KIRREL3: variants seen among roughly 807,000 people sequenced by gnomAD.
The protein encoded by KIRREL3 is kirre like nephrin family adhesion molecule 3.
A neutral mutation model predicts 89.7 loss-of-function variants in KIRREL3; 36 were observed. That is an observed-to-expected ratio of 0.40 (90% CI 0.31 to 0.53). The LOEUF (loss-of-function observed/expected upper bound fraction) is 0.53, where lower values mean the gene tolerates loss of function less well. Among genes scored for constraint, KIRREL3 ranks in the 20% least tolerant of loss-of-function variants. The pLI, the probability that KIRREL3 is intolerant of heterozygous loss-of-function variation, is 0.49. For synonymous variants in KIRREL3, 445 were observed against 441.4 expected (o/e 1.01, Z -0.10); for missense variants, 864 against 1,056.6 (o/e 0.82, Z 2.53).
intron 1 of KIRREL3, among the ~76,000 whole-genome samples, chr11:126,702,554 G>A (rs138713646): frequency 6.6e-5 from 10 of 152,300 alleles, no homozygotes; most frequent in African/African-American, 2.2e-4. Context: ...TCCTCTCACC[G>A]TGGAGCCCTA....
chr11:126,968,726 C>G (rs1362358375), intron 1 of KIRREL3, among the ~76,000 whole-genome samples: 2 of 152,170 alleles, frequency 1.3e-5, no homozygotes, highest in East Asian at 3.9e-4. Flanking sequence ...AACACGGCAG[C>G]CCCTTTTGGT....
rs925955581 is a variant in KIRREL3, at chr11:126,898,042, C to A, written c.55+102413G>T. On this transcript the variant is annotated intron_variant, in intron 1 of 16. Transcript: ENST00000525144. The surrounding 1 kb of genome is among the most constrained non-coding windows in gnomAD (Gnocchi z 4.9). ...TTAGCAGTCATTGTGTGGCCTGGAGCTCACATGGGTTGGGAAGTTTGGACA... is the reference window on the plus strand; with the variant it reads ...TTAGCAGTCATTGTGTGGCCTGGAGATCACATGGGTTGGGAAGTTTGGACA... Among the ~76,000 whole-genome samples the A allele has an allele frequency of 6.6e-6, 1 of 152,158 alleles. No individual in the cohort carries two copies. Among genetic ancestry groups the A allele is most frequent in the African/African-American group, 2.4e-5 (1 of 41,440 alleles).
rs1199556263 is a variant in KIRREL3 at position 126,723,484 on chromosome 11, A to G, written c.56-160572T>C. Among the ~76,000 whole-genome samples, 2 of 152,232 alleles carry G rather than the reference A, an allele frequency of 1.3e-5. No homozygotes were observed. The highest frequency in any genetic ancestry group is 2.9e-5 in the Non-Finnish European group (2 of 68,040). On this transcript the variant is annotated intron_variant, in intron 1 of 16. Coordinates refer to ENST00000525144, the MANE Select transcript of KIRREL3 (RefSeq NM_032531.4). This position sits in a 1 kb window ranked among gnomAD's most constrained non-coding sequence, Gnocchi z 4.0. ...CCTCCAGACACACATGCTCTGTGGC[A>G]TCATTAAGCAGCTGGTGCCAACATT...
At chr11:126,847,345 C>A (rs1944182984) in intron 1 of KIRREL3, among the ~76,000 whole-genome samples, 1 of 152,112 alleles carries the variant, frequency 6.6e-6, no homozygotes, top group South Asian at 2.1e-4. Context: ...TTGTATGCCA[C>A]AGAGGTAACC....
rs1000705876 is a variant in KIRREL3, at chr11:126,948,140, T to C, written c.55+52315A>G. Among the ~76,000 whole-genome samples, 7 of 152,340 alleles carry C rather than the reference T, an allele frequency of 4.6e-5. No homozygotes were observed. The highest frequency in any genetic ancestry group is 1.7e-4 in the African/African-American group (7 of 41,588). ...TGATTTTCTATCCATTGCCTAGTGG[T>C]TAACCCTCAATAAATGCTTTTTGTA... On this transcript the variant is annotated intron_variant, in intron 1 of 16. Coordinates refer to ENST00000525144, the MANE Select transcript of KIRREL3 (RefSeq NM_032531.4). The surrounding 1 kb of genome is among the most constrained non-coding windows in gnomAD (Gnocchi z 4.5).
rs1265007048 is a variant in KIRREL3, at chr11:126,796,238, T to A, written c.55+204217A>T. On this transcript the variant is annotated intron_variant, in intron 1 of 16. Transcript: ENST00000525144. The surrounding 1 kb of genome is among the most constrained non-coding windows in gnomAD (Gnocchi z 5.1). ...AACATAAAATCAGACTGATTCTATG[T>A]TAAAATGGTGAACAAAAAAACCAAG... Among the ~76,000 whole-genome samples, 1 of 151,022 alleles carries A rather than the reference T, an allele frequency of 6.6e-6. No individual in the cohort carries two copies. Among genetic ancestry groups the A allele is most frequent in the Non-Finnish European group, 1.5e-5 (1 of 67,830 alleles).
intron 1 of KIRREL3, among the ~76,000 whole-genome samples, chr11:126,823,758 A>G (rs765940662): frequency 1.7e-4 from 26 of 152,240 alleles, no homozygotes; most frequent in Non-Finnish European, 3.2e-4. Flanking sequence ...GGGAAAAGAA[A>G]CAACGACCTA....
chr11:126,756,606 G>C lies in KIRREL3; in HGVS notation c.56-193694C>G, dbSNP rs572193932. Among the ~76,000 whole-genome samples the C allele has an allele frequency of 2.6e-5, 4 of 152,366 alleles. No individual in the cohort carries two copies. The South Asian group carries it at 8.3e-4, about 32-fold the overall frequency. On this transcript the variant is annotated intron_variant, in intron 1 of 16. Coordinates refer to ENST00000525144, the MANE Select transcript of KIRREL3 (RefSeq NM_032531.4). ...TCCCTGGAAGAGAGTGGAGCCATCT[G>C]CTCATCTTGGCTTCAGTAGTTACAT...
At position 126,715,664 on chromosome 11, in the gene KIRREL3, G is replaced by A. The variant is rs1214844201; in HGVS notation, c.56-152752C>T. Among the ~76,000 whole-genome samples the A allele has an allele frequency of 2.0e-5, 3 of 152,158 alleles. No individual in the cohort carries two copies. Among genetic ancestry groups the A allele is most frequent in the Non-Finnish European group, 2.9e-5 (2 of 68,016 alleles). On this transcript the variant is annotated intron_variant, in intron 1 of 16. Transcript: ENST00000525144. This position sits in a 1 kb window ranked among gnomAD's most constrained non-coding sequence, Gnocchi z 4.4. The stretch of plus-strand genomic sequence containing the variant: ...ACTACAGCACGTGAAACATACTAAA[G>A]AGAAGAGCAAAAATGAGATTAGAAA...
intron 1 of KIRREL3, among the ~76,000 whole-genome samples, chr11:126,792,911 T>C (rs1381245096): frequency 6.6e-6 from 1 of 152,092 alleles, no homozygotes; most frequent in Non-Finnish European, 1.5e-5. Context: ...AGTGGTTACT[T>C]GTGGGGATGG....
chr11:126,435,968 C>T (rs886463446), intron 12 of KIRREL3, among the ~76,000 whole-genome samples: 2 of 152,212 alleles, frequency 1.3e-5, no homozygotes, highest in African/African-American at 4.8e-5. Flanking sequence ...GATCAACTGC[C>T]CCTCTCAGAA....
At position 126,570,689 on chromosome 11, in the gene KIRREL3, A is replaced by G. The variant is rs1940857884; in HGVS notation, c.56-7777T>C. ...AGCCATGCCATTATTTGGCTGGCAT[A>G]GCTCTATCCCCCATGCGGCCAAGGC... On this transcript the variant is annotated intron_variant, in intron 1 of 16. Transcript: ENST00000525144. This position sits in a 1 kb window ranked among gnomAD's most constrained non-coding sequence, Gnocchi z 6.1. Among the ~76,000 whole-genome samples, 1 of 152,184 alleles carries G rather than the reference A, an allele frequency of 6.6e-6. No homozygotes were observed. Among genetic ancestry groups the G allele is most frequent in the Admixed American group, 6.5e-5 (1 of 15,280 alleles).
At position 126,614,058 on chromosome 11, in the gene KIRREL3, T is replaced by C. The variant is rs1310499632; in HGVS notation, c.56-51146A>G. ...CTGTGTAATTCTTTTGGCTGAAAAC[T>C]GAATAGAGTTCTCCCTTTGTGGGTG... On this transcript the variant is annotated intron_variant, in intron 1 of 16. Transcript: ENST00000525144. This position sits in a 1 kb window ranked among gnomAD's most constrained non-coding sequence, Gnocchi z 4.6. 2.0e-5 allele frequency among the ~76,000 whole-genome samples: 3 copies of C among 152,130 alleles called. No homozygotes were observed. Among genetic ancestry groups the C allele is most frequent in the Non-Finnish European group, 2.9e-5 (2 of 68,030 alleles).
At chr11:126,758,763 T>C (rs1949582589) in intron 1 of KIRREL3, among the ~76,000 whole-genome samples, 1 of 152,208 alleles carries the variant, frequency 6.6e-6, no homozygotes, top group African/African-American at 2.4e-5. Context: ...AAAATAACTA[T>C]CGCATTTGCA....
chr11:126,854,696 A>G (rs1373520651), intron 1 of KIRREL3, among the ~76,000 whole-genome samples: 1 of 152,226 alleles, frequency 6.6e-6, no homozygotes, highest in African/African-American at 2.4e-5. Flanking sequence ...ATGTACGAAC[A>G]TCTGTTTCAA....
chr11:126,985,268 T>C lies in KIRREL3; in HGVS notation c.55+15187A>G, dbSNP rs565942614. Among the ~76,000 whole-genome samples the C allele has an allele frequency of 6.6e-6, 1 of 152,250 alleles. No homozygotes were observed. Among genetic ancestry groups the C allele is most frequent in the African/African-American group, 2.4e-5 (1 of 41,536 alleles). On this transcript the variant is annotated intron_variant, in intron 1 of 16. Transcript: ENST00000525144. This position sits in a 1 kb window ranked among gnomAD's most constrained non-coding sequence, Gnocchi z 5.3. ...CAGAATCCCTGACACATTATGCTCT[T>C]TTCCCATGTAAGAAATACTGATTGT...
In KIRREL3 at chr11:126,698,937, C is replaced by T. The variant is rs552447184; in HGVS notation, c.56-136025G>A. On this transcript the variant is annotated intron_variant, in intron 1 of 16. Transcript: ENST00000525144. The stretch of plus-strand genomic sequence containing the variant: ...TTGCTTGCTCCACGGGCAGGAGCTG[C>T]GATCTTAAGGGGCTGGGAGCTGCCT... Among the ~76,000 whole-genome samples the T allele has an allele frequency of 5.3e-5, 8 of 152,276 alleles. 1 individual carries two copies. In the South Asian group the frequency reaches 1.0e-3, roughly 20 times the overall value.
At chr11:126,762,216 G>A (rs1949687822) in intron 1 of KIRREL3, among the ~76,000 whole-genome samples, 1 of 151,796 alleles carries the variant, frequency 6.6e-6, no homozygotes, top group Non-Finnish European at 1.5e-5. Flanking sequence ...AATAAATAAA[G>A]TCTGGTCTCC....
intron 1 of KIRREL3, among the ~76,000 whole-genome samples, chr11:126,992,977 C>T (rs1007826171): frequency 2.6e-5 from 4 of 152,182 alleles, no homozygotes; most frequent in Non-Finnish European, 4.4e-5. Context: ...TCTGTGCCTC[C>T]TCTCTGGAAT....
Sources: gnomAD v4.1 joint callset for allele counts (sites outside exome capture counted in the v4.1 genomes callset) on GRCh38, gnomAD v4.1.1 for gene constraint, Gnocchi (gnomAD v3.1) non-coding constraint, MANE v1.5 for transcripts, NCBI Gene and HGNC (gene_info 2026-07-23, HGNC 2026-07-21) for gene names.